The following EFHC2 variants were observed in gnomAD, a reference collection of about 807,000 sequenced individuals.
EFHC2 encodes EF-hand domain containing 2, also known as EF-hand domain-containing family member C2.
Under a neutral mutation model 52.7 loss-of-function variants are expected in EFHC2, and 18 were observed. The ratio of observed to expected loss-of-function variants is 0.34; its 90% CI spans 0.24 to 0.51. The LOEUF (loss-of-function observed/expected upper bound fraction) is 0.51, where lower values mean the gene tolerates loss of function less well. EFHC2 is among the 20% of genes least tolerant of loss of function. EFHC2 has a pLI of 0.97. For synonymous variants in EFHC2, 203 were observed against 204.1 expected (o/e 0.99, Z 0.04); for missense variants, 513 against 562.5 (o/e 0.91, Z 0.89).
chrX:44,221,201 G>C (rs1389252275), intron 11 of EFHC2, among the ~76,000 whole-genome samples: 2 of 111,122 alleles, frequency 1.8e-5, no homozygotes, highest in Non-Finnish European at 3.8e-5. Flanking sequence ...TCTTACACTG[G>C]TTATAAATAT....
rs1181663820 is a variant in EFHC2 at position 44,312,638 on chromosome X, T to C, written c.161A>G (p.Lys54Arg). The C allele has an allele frequency of 8.3e-7, 1 of 1,210,456 alleles. No homozygotes were observed. Residue 54 changes from lysine (K) to arginine (R), a missense_variant, in exon 2 of 15, where the codon AAG becomes AGG. By Grantham distance (26) the Lys-to-Arg change is conservative. Coordinates refer to ENST00000420999, the MANE Select transcript of EFHC2 (RefSeq NM_025184.4). ...GGEPLLGQKI[K>R]PKCSIYPKGD... ...TTTAGGATATATGCTACATTTAGGCTTTATCTTTTGCCCCAGAAGTGGTTC... is the reference window on the plus strand; with the variant it reads ...TTTAGGATATATGCTACATTTAGGCCTTATCTTTTGCCCCAGAAGTGGTTC...
At chrX:44,236,211 T>C (rs1420073190) in intron 8 of EFHC2, among the ~76,000 whole-genome samples, 1 of 112,140 alleles carries the variant, frequency 8.9e-6, no homozygotes, top group Non-Finnish European at 1.9e-5. Flanking sequence ...ATTCTATGCA[T>C]AAATAGAATA....
intron 1 of EFHC2, among the ~76,000 whole-genome samples, chrX:44,338,374 G>A (rs1357886252): frequency 9.1e-6 from 1 of 110,077 alleles, no homozygotes; most frequent in East Asian, 2.9e-4. Flanking sequence ...GGTGGTGCAT[G>A]TCTGTAGTCC....
At chrX:44,333,600 C>T (rs2038100887) in intron 1 of EFHC2, among the ~76,000 whole-genome samples, 1 of 110,747 alleles carries the variant, frequency 9.0e-6, no homozygotes, top group Non-Finnish European at 1.9e-5. Context: ...GAAAGGGATA[C>T]TACTAAGTCT....
chrX:44,229,172 A>G (rs2037255986), intron 11 of EFHC2, among the ~76,000 whole-genome samples: 1 of 112,599 alleles, frequency 8.9e-6, no homozygotes, highest in Admixed American at 9.4e-5. Context: ...CAGAATACAC[A>G]TATGTGTGTA....
chrX:44,304,987 C>T (rs1361047084), intron 2 of EFHC2, among the ~76,000 whole-genome samples: 1 of 110,386 alleles, frequency 9.1e-6, no homozygotes, highest in Non-Finnish European at 1.9e-5. Context: ...GCAAGCCAGG[C>T]GTGGTGGCTC....
At chrX:44,273,296 A>G (rs1315588399) in intron 2 of EFHC2, among the ~76,000 whole-genome samples, 1 of 111,828 alleles carries the variant, frequency 8.9e-6, no homozygotes, top group Non-Finnish European at 1.9e-5. Flanking sequence ...CCTTCAGGCA[A>G]TTCAAGCAGG....
intron 4 of EFHC2, among the ~76,000 whole-genome samples, chrX:44,259,465 G>A (rs1346650355): frequency 9.0e-6 from 1 of 111,708 alleles, no homozygotes; most frequent in Non-Finnish European, 1.9e-5. Context: ...GTTGATGGGT[G>A]TAGAAAACCA....
At chrX:44,219,678 T>C (rs1346015146) in intron 11 of EFHC2, among the ~76,000 whole-genome samples, 2 of 112,136 alleles carry the variant, frequency 1.8e-5, no homozygotes, top group Admixed American at 1.9e-4. Flanking sequence ...TTGAAAATTA[T>C]AAAAACTATT....
chrX:44,278,584 G>A (rs777113329), intron 2 of EFHC2, among the ~76,000 whole-genome samples: 2 of 111,151 alleles, frequency 1.8e-5, no homozygotes, highest in African/African-American at 6.5e-5. Context: ...ATTCTCCCCG[G>A]AGGCAGGTCA....
intron 1 of EFHC2, among the ~76,000 whole-genome samples, chrX:44,322,949 G>T (rs1209764850): frequency 9.1e-6 from 1 of 110,381 alleles, no homozygotes; most frequent in Admixed American, 9.7e-5. Flanking sequence ...GGAGGTGGAG[G>T]TTGCAGTAAG....
At chrX:44,259,239 C>G (rs554151159) in intron 4 of EFHC2, among the ~76,000 whole-genome samples, 5 of 111,892 alleles carry the variant, frequency 4.5e-5, no homozygotes, top group South Asian at 3.8e-4. Context: ...GAGTTCATGT[C>G]CTTTGCAGGG....
chrX:44,231,953 C>A (rs1400148895), intron 10 of EFHC2, among the ~76,000 whole-genome samples: 3 of 110,754 alleles, frequency 2.7e-5, no homozygotes, highest in Non-Finnish European at 5.7e-5. Flanking sequence ...AAAAAAAAAA[C>A]TCTTTGAGCT....
intron 4 of EFHC2, among the ~76,000 whole-genome samples, chrX:44,250,718 G>C (rs1180296239): frequency 2.8e-5 from 3 of 105,531 alleles, no homozygotes; most frequent in Non-Finnish European, 5.8e-5. Context: ...CCAGCTACTT[G>C]GGAGGCTGAG....
chrX:44,304,891 A>G (rs951899129), intron 2 of EFHC2, among the ~76,000 whole-genome samples: 2 of 109,872 alleles, frequency 1.8e-5, no homozygotes, highest in Admixed American at 9.7e-5. Flanking sequence ...TAAAATATAC[A>G]CTTGGCCCCT....
intron 3 of EFHC2, among the ~76,000 whole-genome samples, chrX:44,270,031 G>A (rs2037606111): frequency 9.0e-6 from 1 of 111,354 alleles, no homozygotes; most frequent in African/African-American, 3.3e-5. Context: ...GTCCTGGTTT[G>A]GACACTCAGC....
At chrX:44,320,235 A>C (rs964103063) in intron 1 of EFHC2, among the ~76,000 whole-genome samples, 2 of 112,254 alleles carry the variant, frequency 1.8e-5, no homozygotes, top group African/African-American at 6.5e-5. Flanking sequence ...GAGCCACTGC[A>C]ACTGGCTTGG....
chrX:44,227,631 C>T (rs1029428089), intron 11 of EFHC2, among the ~76,000 whole-genome samples: 3 of 111,461 alleles, frequency 2.7e-5, no homozygotes, highest in East Asian at 2.8e-4. Context: ...AGCTCACATT[C>T]GAATAGGAGA....
chrX:44,148,869 G>C lies in EFHC2; in HGVS notation c.2176C>G (p.Pro726Ala), dbSNP rs1223560076. The stretch of plus-strand genomic sequence containing the variant: ...ATGTATTTCGCAGGAATAGGTGATG[G>C]CATACCAAGCCAAACATCTTCACAT... ...ERCEDVWLGM[P>A]SPIPAKYIDY... is the part of the protein sequence containing the mutation. Residue 726 changes from proline to alanine, a missense_variant, in exon 15 of 15, where the codon CCA (proline) becomes GCA (alanine). Transcript: ENST00000420999. 1 of 1,182,432 alleles carries C rather than the reference G, an allele frequency of 8.5e-7. No individual in the cohort carries two copies.
Sources: allele counts gnomAD v4.1 joint callset (sites outside exome capture counted in the v4.1 genomes callset), GRCh38; gene constraint gnomAD v4.1.1; transcripts MANE v1.5; gene names NCBI Gene and HGNC (gene_info 2026-07-23, HGNC 2026-07-21).